MCCC1: variants seen among roughly 807,000 people sequenced by gnomAD.
The protein encoded by MCCC1 is methylcrotonyl-CoA carboxylase subunit 1.
Under a neutral mutation model 83.8 loss-of-function variants are expected in MCCC1, and 64 were observed. The observed-to-expected ratio is 0.76, with a 90% CI of 0.62 to 0.94. The LOEUF is 0.94. Ranked by LOEUF, MCCC1 falls within the 40% of genes least tolerant of loss-of-function variation. MCCC1 has a pLI of 0.00. For synonymous variants in MCCC1, 322 were observed against 315.4 expected (o/e 1.02, Z -0.22); for missense variants, 807 against 904.7 (o/e 0.89, Z 1.39).
intron 9 of MCCC1, among the ~76,000 whole-genome samples, chr3:183,049,570 CAAAAAAA>C (rs757859179): frequency 4.1e-5 from 3 of 73,216 alleles, no homozygotes; most frequent in Non-Finnish European, 8.5e-5. Flanking sequence ...GACTTTGTTT[CAAAAAAA>C]AAAAAAAGAA....
upstream of MCCC1, chr3:183,099,612 C>T: frequency 1.3e-6 from 1 of 746,852 alleles, no homozygotes; most frequent in Non-Finnish European, 2.2e-6. Flanking sequence ...GAACACCAAT[C>T]AAAGACCAGA....
intron 7 of MCCC1, among the ~76,000 whole-genome samples, chr3:183,068,874 T>C (rs1476695191): frequency 2.0e-5 from 3 of 152,228 alleles, no homozygotes; most frequent in Admixed American, 6.5e-5. Flanking sequence ...TCAGGAGCAA[T>C]AGGCTATACC....
chr3:183,015,388 T>G lies in MCCC1; in HGVS notation c.*50A>C. ...AGAAAAGCTGGAGGCACTTCCTCTTTTTGGTGGAGAGAGAAGACACTACTT... is the reference window on the plus strand; with the variant it reads ...AGAAAAGCTGGAGGCACTTCCTCTTGTTGGTGGAGAGAGAAGACACTACTT... On this transcript the variant is annotated 3_prime_UTR_variant, in exon 19 of 19. Coordinates refer to ENST00000265594, the MANE Select transcript of MCCC1 (RefSeq NM_020166.5). 6.2e-7 allele frequency: 1 copy of G among 1,610,112 alleles called. No homozygotes were observed. Among genetic ancestry groups the G allele is most frequent in the South Asian group, 1.1e-5 (1 of 90,958 alleles).
intron 1 of MCCC1, 64 bp from the exon 2 acceptor site, chr3:183,094,669 A>T: frequency 6.6e-7 from 1 of 1,523,130 alleles, no homozygotes; most frequent in Non-Finnish European, 9.1e-7. Context: ...GTTCTTTCAA[A>T]AGAATTTCAG....
intron 8 of MCCC1, among the ~76,000 whole-genome samples, chr3:183,053,195 GTGT>G (rs1715123841): frequency 6.6e-6 from 1 of 152,178 alleles, no homozygotes; most frequent in African/African-American, 2.4e-5. Flanking sequence ...AACAGGCCGG[GTGT>G]GGTGGCTCAC....
At chr3:183,091,680 A>G (rs1431664746) in intron 3 of MCCC1, among the ~76,000 whole-genome samples, 4 of 152,144 alleles carry the variant, frequency 2.6e-5, no homozygotes, top group Non-Finnish European at 5.9e-5. Flanking sequence ...TTACAGATGA[A>G]GCAAGGCTCA....
At chr3:183,022,304 C>T (rs1712222701) in intron 16 of MCCC1, 113 bp downstream of exon 16, 1 of 1,290,272 alleles carries the variant, frequency 7.8e-7, no homozygotes, top group Non-Finnish European at 1.1e-6. Flanking sequence ...GGAAAAAGGT[C>T]ACAGCAGTGG....
At chr3:183,022,216 G>GT (rs1231260683) in intron 16 of MCCC1, among the ~76,000 whole-genome samples, 4 of 152,208 alleles carry the variant, frequency 2.6e-5, no homozygotes, top group African/African-American at 9.7e-5. Context: ...GAGCATCTGT[G>GT]TGAACGAGAG....
chr3:183,077,400 T>C (rs1356663692), intron 4 of MCCC1, among the ~76,000 whole-genome samples: 2 of 152,188 alleles, frequency 1.3e-5, no homozygotes, highest in African/African-American at 4.8e-5. Flanking sequence ...TCACCAATAC[T>C]TGTTATCATC....
At chr3:183,059,372 TCCAACCTGTCCAATAC>T (rs146284681) in intron 7 of MCCC1, among the ~76,000 whole-genome samples, 4,450 of 152,326 alleles carry the variant, frequency 0.029, 224 homozygotes, top group African/African-American at 0.1. Context: ...TTTTGAATTT[TCCAACCTGTCCAATAC>T]ATTCTCTTAA....
At position 183,041,658 on chromosome 3, in the gene MCCC1, G is replaced by A; in HGVS notation, c.1176C>T (p.Ser392=). Residue 392 remains serine, a synonymous_variant, in exon 11 of 19, where the codon AGC becomes AGT. Coordinates refer to ENST00000265594, the MANE Select transcript of MCCC1 (RefSeq NM_020166.5). The part of the protein sequence containing the change: ...FEARIYAEDP[S]NNFMPVAGPL... ...GGCCTGCCACAGGCATGAAGTTATT[G>A]CTAGGATCTTCTGCATATATTCTAG... The A allele has an allele frequency of 2.5e-6, 4 of 1,614,226 alleles. No homozygotes were observed. Among genetic ancestry groups the A allele is most frequent in the Non-Finnish European group, 3.4e-6 (4 of 1,180,036 alleles).
At chr3:183,102,695 A>G (rs1406039056), upstream of MCCC1, among the ~76,000 whole-genome samples, 1 of 150,774 alleles carries the variant, frequency 6.6e-6, no homozygotes, top group Admixed American at 6.6e-5. Flanking sequence ...TGAAAGATTA[A>G]ATATAAAAGA....
chr3:183,105,111 G>A (rs909522543), intron 1 of MCCC1, among the ~76,000 whole-genome samples: 3 of 152,336 alleles, frequency 2.0e-5, no homozygotes, highest in Admixed American at 1.3e-4. Flanking sequence ...TTGGGAGTCC[G>A]AGGCAGGCGA....
chr3:183,093,842 T>A (rs1246027983), intron 2 of MCCC1, among the ~76,000 whole-genome samples: 1 of 152,024 alleles, frequency 6.6e-6, no homozygotes, highest in African/African-American at 2.4e-5. Flanking sequence ...CACTTTTATA[T>A]GTTTCATAGT....
chr3:183,045,211 C>T (rs528777987), intron 10 of MCCC1, among the ~76,000 whole-genome samples: 1 of 151,144 alleles, frequency 6.6e-6, no homozygotes, highest in African/African-American at 2.4e-5. Flanking sequence ...TCCTGAGTAC[C>T]GGGGACTACA....
intron 3 of MCCC1, chr3:183,091,117 CAGTGGCTAG>C: frequency 1.1e-5 from 5 of 444,366 alleles, no homozygotes; most frequent in South Asian, 8.0e-5. Flanking sequence ...GTGAGAAAAA[CAGTGGCTAG>C]AGAGCCACAA....
At chr3:183,024,289 G>GT (rs1274509618) in intron 15 of MCCC1, among the ~76,000 whole-genome samples, 1 of 152,004 alleles carries the variant, frequency 6.6e-6, no homozygotes, top group Non-Finnish European at 1.5e-5. Context: ...GATATTATTT[G>GT]TTTTTTATAC....
intron 10 of MCCC1, among the ~76,000 whole-genome samples, chr3:183,043,258 G>T (rs1331384972): frequency 6.6e-6 from 1 of 152,350 alleles, no homozygotes; most frequent in East Asian, 1.9e-4. Context: ...TTGCACTCCA[G>T]CCTGGGCAAA....
chr3:183,020,263 C>T, intron 16 of MCCC1, 26 bp from the exon 17 acceptor site: 1 of 1,528,880 alleles, frequency 6.5e-7, no homozygotes, highest in Admixed American at 1.7e-5. Flanking sequence ...AAACTGAAAA[C>T]CGAATCAACA....
Sources: gnomAD v4.1 joint callset for allele counts (sites outside exome capture counted in the v4.1 genomes callset) on GRCh38, gnomAD v4.1.1 for gene constraint, MANE v1.5 for transcripts, NCBI Gene and HGNC (gene_info 2026-07-23, HGNC 2026-07-21) for gene names.